ASPH: variants seen among roughly 807,000 people sequenced by gnomAD.
ASPH encodes the protein aspartyl/asparaginyl beta-hydroxylase.
ASPH carries 100 observed loss-of-function variants against 118.4 expected under a neutral mutation model. The ratio of observed to expected loss-of-function variants is 0.84; its 90% confidence interval spans 0.72 to 1.00. ASPH has a LOEUF of 1.00. Ranked by LOEUF, ASPH falls within the 50% of genes least tolerant of loss-of-function variation. The pLI, the probability that ASPH is intolerant of heterozygous loss-of-function variation, is 0.00. For missense variants in ASPH, 920 were observed against 919.5 expected (o/e 1.00, Z -0.01); for synonymous variants, 315 against 325.6 (o/e 0.97, Z 0.35).
At position 61,501,995 on chromosome 8, in the gene ASPH, T is replaced by G. The variant is rs1435756805; in HGVS notation, c.*1364A>C. 6.6e-6 allele frequency: 1 copy of G among 152,204 alleles called. No homozygotes were observed. Among genetic ancestry groups the G allele is most frequent in the Non-Finnish European group, 1.5e-5 (1 of 68,022 alleles). 9.4% of individuals were successfully genotyped at this position (152,204 alleles called of 1,614,324 possible). ...TTAGAATTCAGTGCATGAATATCAT[T>G]ACATTCTTATATCTAACATTCCTAG... On this transcript the variant is annotated 3_prime_UTR_variant, in exon 25 of 25. Coordinates refer to ENST00000379454, the MANE Select transcript of ASPH (RefSeq NM_004318.4).
chr8:61,576,670 G>T, intron 16 of ASPH, 102 bp downstream of exon 16: 1 of 984,252 alleles, frequency 1.0e-6, no homozygotes, highest in South Asian at 1.9e-5. Flanking sequence ...AACTGATTCT[G>T]TAGAGAAATT....
chr8:61,555,395 G>C (rs980753192), intron 19 of ASPH, among the ~76,000 whole-genome samples: 13 of 152,140 alleles, frequency 8.5e-5, no homozygotes, highest in African/African-American at 3.1e-4. Flanking sequence ...CTGGGTTCAA[G>C]TGATTCTCAT....
chr8:61,678,090 C>G (rs140106251), intron 3 of ASPH, among the ~76,000 whole-genome samples: 1 of 152,086 alleles, frequency 6.6e-6, no homozygotes, highest in Non-Finnish European at 1.5e-5. Flanking sequence ...CATCAGCTCA[C>G]TCATGCATCT....
intron 12 of ASPH, 128 bp from the exon 13 acceptor site, chr8:61,633,855 A>G: frequency 1.6e-6 from 1 of 642,400 alleles, no homozygotes; most frequent in South Asian, 2.6e-5. Context: ...AAATTTTAAT[A>G]AAAACATTAG....
intron 22 of ASPH, among the ~76,000 whole-genome samples, chr8:61,524,157 A>G (rs1002657998): frequency 4.6e-5 from 7 of 152,248 alleles, no homozygotes; most frequent in Admixed American, 3.3e-4. Flanking sequence ...ATATACATAT[A>G]GATCATTTTA....
chr8:61,664,948 A>G (rs753722057), intron 3 of ASPH: 1 of 1,109,124 alleles, frequency 9.0e-7, no homozygotes, highest in Non-Finnish European at 1.1e-6. Flanking sequence ...TTTAACGTCA[A>G]TGAAAGTATT....
At chr8:61,580,295 C>A (rs1304423730) in intron 15 of ASPH, among the ~76,000 whole-genome samples, 1 of 152,192 alleles carries the variant, frequency 6.6e-6, no homozygotes. Flanking sequence ...GGGATCCAAC[C>A]CCACATTTCC....
At chr8:61,505,596 T>A (rs1586152533) in intron 24 of ASPH, among the ~76,000 whole-genome samples, 1 of 152,036 alleles carries the variant, frequency 6.6e-6, no homozygotes, top group East Asian at 1.9e-4. Context: ...TTCTTTTTCT[T>A]CTCAGTCTCA....
intron 14 of ASPH, among the ~76,000 whole-genome samples, chr8:61,599,759 G>A (rs1563967755): frequency 6.6e-6 from 1 of 151,784 alleles, no homozygotes; most frequent in Non-Finnish European, 1.5e-5. Flanking sequence ...AACAAGTAAT[G>A]AGACTGAATC....
intron 15 of ASPH, among the ~76,000 whole-genome samples, chr8:61,577,182 G>T (rs540761345): frequency 6.6e-6 from 1 of 151,792 alleles, no homozygotes; most frequent in South Asian, 2.1e-4. Flanking sequence ...GTCGTGGGGT[G>T]GGGGGATGGA....
chr8:61,513,469 T>C lies in ASPH; in HGVS notation c.2126+4059A>G, dbSNP rs1321010960. The stretch of plus-strand genomic sequence containing the variant: ...AATTAAGAAATATTAAGGATGAGAA[T>C]GTAACACAACATAAAGCTGGTAAAA... On this transcript the variant is annotated intron_variant, in intron 24 of 24. Transcript: ENST00000379454. Among the ~76,000 whole-genome samples the C allele has an allele frequency of 3.3e-5, 5 of 152,142 alleles. No individual in the cohort carries two copies. In the East Asian group the frequency reaches 9.6e-4, roughly 29 times the overall value.
chr8:61,538,553 T>C (rs1257302222), intron 21 of ASPH, among the ~76,000 whole-genome samples: 1 of 152,242 alleles, frequency 6.6e-6, no homozygotes, highest in Non-Finnish European at 1.5e-5. Flanking sequence ...TTCAAGTATT[T>C]AATTACAAAG....
At chr8:61,628,511 A>T (rs1854036701) in intron 13 of ASPH, among the ~76,000 whole-genome samples, 1 of 151,866 alleles carries the variant, frequency 6.6e-6, no homozygotes, top group Non-Finnish European at 1.5e-5. Context: ...CTCTGAGAAG[A>T]GACACTTGCC....
chr8:61,700,682 C>G (rs983335849), intron 1 of ASPH, among the ~76,000 whole-genome samples: 3 of 152,156 alleles, frequency 2.0e-5, no homozygotes, highest in Non-Finnish European at 4.4e-5. Flanking sequence ...AAGAATTTCC[C>G]CAATGTTTTA....
chr8:61,590,864 T>C (rs1840909120), intron 14 of ASPH, among the ~76,000 whole-genome samples: 1 of 152,206 alleles, frequency 6.6e-6, no homozygotes, highest in Non-Finnish European at 1.5e-5. Context: ...TTTTAACTTT[T>C]GAGACCTCGT....
At chr8:61,606,589 G>C (rs756321035) in intron 14 of ASPH, 9 of 152,142 alleles carry the variant, frequency 5.9e-5, no homozygotes, top group Non-Finnish European at 1.2e-4. Context: ...TATAATCATA[G>C]ATGTAGGTGC....
chr8:61,647,381 T>C (rs1260340100), intron 5 of ASPH, among the ~76,000 whole-genome samples: 1 of 152,196 alleles, frequency 6.6e-6, no homozygotes, highest in Non-Finnish European at 1.5e-5. Context: ...ATCTAAATTA[T>C]ATGCTAGGGC....
chr8:61,653,942 CA>C (rs1812370539), intron 3 of ASPH, among the ~76,000 whole-genome samples: 2 of 152,062 alleles, frequency 1.3e-5, no homozygotes, highest in Non-Finnish European at 2.9e-5. Flanking sequence ...CTAAACCTGC[CA>C]AAAGTTCAAT....
chr8:61,687,606 G>A (rs1831047296), intron 1 of ASPH: 1 of 152,174 alleles, frequency 6.6e-6, no homozygotes, highest in Admixed American at 6.5e-5. Flanking sequence ...AAGCTGAGTG[G>A]TGGGAAGTCA....
Sources: allele counts gnomAD v4.1 joint callset (sites outside exome capture counted in the v4.1 genomes callset), GRCh38; gene constraint gnomAD v4.1.1; transcripts MANE v1.5; gene names NCBI Gene and HGNC (gene_info 2026-07-23, HGNC 2026-07-21).